The following RBM28 variants were observed in gnomAD, a reference collection of about 807,000 sequenced individuals.
RBM28 encodes the protein RNA-binding protein 28.
In RBM28, 78 loss-of-function variants were observed where a neutral mutation model predicts 98.3. That is an observed-to-expected ratio of 0.79 (90% confidence interval 0.66 to 0.96). RBM28 has a LOEUF of 0.96. Ranked by LOEUF, RBM28 falls within the 40% of genes least tolerant of loss-of-function variation. RBM28 has a pLI of 0.00. For synonymous variants in RBM28, 306 were observed against 330.9 expected, an observed-to-expected ratio of 0.92 and a Z score of 0.82; for missense variants, 838 against 913.0, an observed-to-expected ratio of 0.92 and a Z score of 1.06.
At chr7:128,329,257 G>A (rs1050901229) in intron 10 of RBM28, among the ~76,000 whole-genome samples, 2 of 151,822 alleles carry the variant, frequency 1.3e-5, no homozygotes, top group Non-Finnish European at 2.9e-5. Context: ...GCGCCACCAC[G>A]CCCGGCTAAT....
rs1438134346 is a variant in RBM28, at chr7:128,311,003, C to A, written c.2146-72G>T. 5 of 1,480,174 alleles carry A rather than the reference C, an allele frequency of 3.4e-6. No individual in the cohort carries two copies. In the African/African-American group the frequency reaches 5.6e-5, roughly 16 times the overall value. 91.7% of individuals were successfully genotyped at this position (1,480,174 alleles called of 1,614,324 possible). A position where few individuals can be genotyped will look rare whatever the true frequency, so the allele number is the denominator to read the frequency against. On this transcript the variant is annotated intron_variant, in intron 18 of 18. Transcript: ENST00000223073. ...TATATATCACCTTACCCTCAGGCCACCCAAGAGAGAAAGTAAGTGGGACAG... is the reference window on the plus strand; with the variant it reads ...TATATATCACCTTACCCTCAGGCCAACCAAGAGAGAAAGTAAGTGGGACAG...
intron 10 of RBM28, 129 bp downstream of exon 10, chr7:128,330,690 A>G: frequency 2.6e-6 from 2 of 760,962 alleles, no homozygotes; most frequent in Non-Finnish European, 4.7e-6. Context: ...ACTTTTATAG[A>G]ACCCAGAAAC....
At chr7:128,314,727 A>AC (rs1796068890) in intron 17 of RBM28, 37 bp downstream of exon 17, 1 of 1,614,002 alleles carries the variant, frequency 6.2e-7, no homozygotes, top group Non-Finnish European at 8.5e-7. Context: ...CTTAGAACCC[A>AC]CCCACTGTTC....
At position 128,339,264 on chromosome 7, in the gene RBM28, T is replaced by C. The variant is rs1476590891; in HGVS notation, c.335A>G (p.Lys112Arg). The change falls in exon 3 of 19, where the codon AAG (lysine) becomes AGG (arginine). Residue 112 changes from lysine (K) to arginine (R), a missense_variant. Lys to Arg is a conservative substitution (Grantham distance 26). Coordinates refer to ENST00000223073, the MANE Select transcript of RBM28 (RefSeq NM_018077.3). ...GTTCCGAATAATTAATCTGGCTTTCTTATCTGCCACTTTGGCTTTTTTAGC... is the reference window on the plus strand; with the variant it reads ...GTTCCGAATAATTAATCTGGCTTTCCTATCTGCCACTTTGGCTTTTTTAGC... ...PKAKKAKVAD[K>R]KARLIIRNLS... 6.2e-7 allele frequency: 1 copy of C among 1,613,696 alleles called. No homozygotes were observed. The highest frequency in any genetic ancestry group is 1.7e-5 in the Admixed American group (1 of 60,012).
At chr7:128,337,001 C>T in intron 6 of RBM28, 130 bp downstream of exon 6, 2 of 972,470 alleles carry the variant, frequency 2.1e-6, no homozygotes, top group South Asian at 2.6e-5. Context: ...ACCCAAAGTG[C>T]TGGAATTACA....
At chr7:128,322,661 T>C (rs1796261699) in intron 13 of RBM28, among the ~76,000 whole-genome samples, 1 of 152,206 alleles carries the variant, frequency 6.6e-6, no homozygotes, top group African/African-American at 2.4e-5. Flanking sequence ...ATTAAATATG[T>C]CATTATTGCA....
intron 11 of RBM28, among the ~76,000 whole-genome samples, 192 bp downstream of exon 11, chr7:128,325,626 C>T (rs369003284): frequency 2.0e-5 from 3 of 152,268 alleles, no homozygotes; most frequent in African/African-American, 7.2e-5. Flanking sequence ...ATTCTGCCTA[C>T]CTCAAAGGGC....
intron 1 of RBM28, among the ~76,000 whole-genome samples, chr7:128,341,390 G>A (rs889054027): frequency 1.2e-4 from 19 of 152,190 alleles, no homozygotes; most frequent in African/African-American, 4.3e-4. Context: ...CCAAATGAAA[G>A]GACATACAGT....
At position 128,333,337 on chromosome 7, in the gene RBM28, C is replaced by T; in HGVS notation, c.972G>A (p.Lys324=). The T allele has an allele frequency of 6.2e-7, 1 of 1,604,798 alleles. No individual in the cohort carries two copies. Among genetic ancestry groups the T allele is most frequent in the Non-Finnish European group, 8.5e-7 (1 of 1,171,512 alleles). The change falls in exon 9 of 19, where the codon AAG becomes AAA. Residue 324 remains lysine (K), a synonymous_variant. Transcript: ENST00000223073. ...DKAVQVSNKK[K]RKLPSDVNEG... is the part of the protein sequence containing the mutation. ...CATTCACATCAGAGGGTAATTTCCT[C>T]TTCTTTTTGTTTGAGACTTGCACAG...
Position 128,306,750 on chromosome 7 carries a change from CA to C in RBM28, c.*4046del, listed in dbSNP as rs1159502774. On this transcript the variant is annotated 3_prime_UTR_variant, in exon 19 of 19. Transcript: ENST00000223073. ...TTCAGTAACTCAGCAGTTCTCTTCT[CA>C]GAATTAGTTCCCAGTCTGTGCCTTC... 3 of 152,352 alleles carry C rather than the reference CA, an allele frequency of 2.0e-5. No homozygotes were observed. Among genetic ancestry groups the C allele is most frequent in the Non-Finnish European group, 4.4e-5 (3 of 68,174 alleles). 9.4% of individuals were successfully genotyped at this position (152,352 alleles called of 1,614,324 possible). A position where few individuals can be genotyped will look rare whatever the true frequency, so the allele number is the denominator to read the frequency against.
At chr7:128,316,648 G>C (rs1796113706) in intron 16 of RBM28, among the ~76,000 whole-genome samples, 1 of 152,228 alleles carries the variant, frequency 6.6e-6, no homozygotes, top group Non-Finnish European at 1.5e-5. Context: ...AGAAGGTGGA[G>C]GTTGCAGTGA....
At chr7:128,330,786 C>T in intron 10 of RBM28, 33 bp downstream of exon 10, 1 of 1,514,688 alleles carries the variant, frequency 6.6e-7, no homozygotes, top group African/African-American at 1.4e-5. Context: ...TGGTCTCAAC[C>T]CTTTTAGGGC....
intron 14 of RBM28, among the ~76,000 whole-genome samples, chr7:128,319,984 G>T (rs144816570): frequency 6.6e-6 from 1 of 152,080 alleles, no homozygotes; most frequent in Non-Finnish European, 1.5e-5. Context: ...TTGGGAGGCC[G>T]AGGCAGGCGG....
At chr7:128,313,036 C>T in intron 18 of RBM28, 139 bp downstream of exon 18, 1 of 849,040 alleles carries the variant, frequency 1.2e-6, no homozygotes, top group Non-Finnish European at 2.0e-6. Context: ...GATTGTATAG[C>T]TCAACATTCT....
intron 18 of RBM28, among the ~76,000 whole-genome samples, chr7:128,312,351 T>A (rs1196865595): frequency 6.6e-6 from 1 of 152,144 alleles, no homozygotes; most frequent in South Asian, 2.1e-4. Flanking sequence ...TGAGCCGAGA[T>A]TGCGCCATTG....
Position 128,335,945 on chromosome 7 carries a change from GTCA to G in RBM28, c.708_710del (p.Asp241del), listed in dbSNP as rs760498002. 106 of 1,601,886 alleles carry G rather than the reference GTCA, an allele frequency of 6.6e-5. No homozygotes were observed. The highest frequency in any genetic ancestry group is 1.8e-4 in the Admixed American group (11 of 59,906). On this transcript the variant is annotated inframe_deletion, in exon 7 of 19. Transcript: ENST00000223073. The stretch of plus-strand genomic sequence containing the variant: ...CCCCATCTTCTTCATCATCATCATC[GTCA>G]TCATCATCGTTTTCTTCCTCTTCCA...
At chr7:128,335,775 A>T in intron 7 of RBM28, 72 bp downstream of exon 7, 1 of 1,613,648 alleles carries the variant, frequency 6.2e-7, no homozygotes, top group Non-Finnish European at 8.5e-7. Context: ...CAGGCAGAAA[A>T]AGGAGAATTT....
In RBM28 at chr7:128,324,615, G is replaced by A. The variant is rs377218378; in HGVS notation, c.1283C>T (p.Thr428Met). The change falls in exon 12 of 19, where the codon ACG becomes ATG. Residue 428 changes from threonine (T) to methionine (M), a missense_variant. Transcript: ENST00000223073. ...VTRDEAAKLQ[T>M]TKVKKPTGTR... ...GCCAGTCGGCTTCTTCACCTTCGTC[G>A]TCTGAAGCTTTGCAGCCTCATCACG... 1.2e-5 allele frequency: 19 copies of A among 1,614,048 alleles called. No homozygotes were observed. Among genetic ancestry groups the A allele is most frequent in the East Asian group, 4.5e-5 (2 of 44,886 alleles).
intron 17 of RBM28, among the ~76,000 whole-genome samples, chr7:128,313,986 G>A (rs1584634600): frequency 1.3e-5 from 2 of 151,412 alleles, no homozygotes; most frequent in African/African-American, 2.4e-5. Flanking sequence ...TTTTTGAGAC[G>A]GAGTCTCGCT....
Sources: gnomAD v4.1 joint callset for allele counts (sites outside exome capture counted in the v4.1 genomes callset) on GRCh38, gnomAD v4.1.1 for gene constraint, MANE v1.5 for transcripts, NCBI Gene and HGNC (gene_info 2026-07-23, HGNC 2026-07-21) for gene names.